The following RHOH variants were observed in gnomAD, a reference collection of about 807,000 sequenced individuals.
The protein encoded by RHOH is ras homolog family member H.
In RHOH, 6 loss-of-function variants were observed where a neutral mutation model predicts 13.8. The observed-to-expected ratio is 0.44, with a 90% CI of 0.24 to 0.86. RHOH has a LOEUF of 0.86. Ranked by LOEUF, RHOH falls within the 40% of genes least tolerant of loss-of-function variation. The pLI, the probability that RHOH is intolerant of heterozygous loss-of-function variation, is 0.24. For synonymous variants in RHOH, 117 were observed against 103.0 expected (o/e 1.14, Z -0.82); for missense variants, 147 against 244.5 (o/e 0.60, Z 2.66).
At position 40,199,534 on chromosome 4, in the gene RHOH, G is replaced by A. The variant is rs537875552; in HGVS notation, c.-331+2234G>A. Among the ~76,000 whole-genome samples the A allele has an allele frequency of 3.9e-5, 6 of 152,300 alleles. No individual in the cohort carries two copies. The South Asian group carries it at 1.0e-3, about 26-fold the overall frequency. ...AAGCCATTTGGTAACAGTTTCTCTA[G>A]CTTATGAGATGAGAGAGGTCCTCTC... On this transcript the variant is annotated intron_variant, in intron 1 of 2. Coordinates refer to ENST00000381799, the MANE Select transcript of RHOH (RefSeq NM_004310.5).
intron 1 of RHOH, chr4:40,200,213 T>TTTAGC (rs1187701812): frequency 3.9e-5 from 6 of 152,254 alleles, no homozygotes; most frequent in African/African-American, 1.2e-4. Flanking sequence ...CTGTGAGCTC[T>TTTAGC]TTAGCCATTT....
At chr4:40,238,190 G>A (rs563350442) in intron 1 of RHOH, among the ~76,000 whole-genome samples, 10 of 149,936 alleles carry the variant, frequency 6.7e-5, no homozygotes, top group South Asian at 2.1e-4. Context: ...CTGATCTGGC[G>A]GGGGCATCTG....
At chr4:40,210,140 G>C (rs1294124872) in intron 1 of RHOH, among the ~76,000 whole-genome samples, 3 of 149,190 alleles carry the variant, frequency 2.0e-5, no homozygotes, top group Non-Finnish European at 4.4e-5. Context: ...GTTTCTTTCC[G>C]GCTTGGTTTA....
intron 1 of RHOH, among the ~76,000 whole-genome samples, chr4:40,231,519 C>T (rs1727946242): frequency 6.6e-6 from 1 of 152,128 alleles, no homozygotes; most frequent in Non-Finnish European, 1.5e-5. Context: ...CAGCAGGCCC[C>T]CCAGTGGGAA....
At chr4:40,227,928 A>G (rs1727447823) in intron 1 of RHOH, among the ~76,000 whole-genome samples, 1 of 152,172 alleles carries the variant, frequency 6.6e-6, no homozygotes, top group Non-Finnish European at 1.5e-5. Context: ...ATAGGCCCAT[A>G]CATGGAATAT....
At position 40,246,029 on chromosome 4, in the gene RHOH, T is replaced by A. The variant is rs1365228403; in HGVS notation, c.*2067T>A. The A allele has an allele frequency of 2.0e-5, 3 of 152,136 alleles. No individual in the cohort carries two copies. Among genetic ancestry groups the A allele is most frequent in the African/African-American group, 7.2e-5 (3 of 41,402 alleles). The allele number at this position is 152,136 out of a possible 1,614,324, so 9.4% of individuals were successfully genotyped here. ...GCCTCCCTTGATTGGAGAGCCCGTG[T>A]CTCTAGTTCTCAGCTCAGGGTTGGG... On this transcript the variant is annotated 3_prime_UTR_variant, in exon 3 of 3. Coordinates refer to ENST00000381799, the MANE Select transcript of RHOH (RefSeq NM_004310.5).
intron 1 of RHOH, among the ~76,000 whole-genome samples, chr4:40,222,565 T>C (rs1284185774): frequency 6.6e-6 from 1 of 152,260 alleles, no homozygotes; most frequent in Non-Finnish European, 1.5e-5. Context: ...TTAAGCCCAC[T>C]GTTGAGACCT....
chr4:40,218,155 T>C lies in RHOH; in HGVS notation c.-331+20855T>C, dbSNP rs1435085632. 5 of 152,216 alleles carry C rather than the reference T, an allele frequency of 3.3e-5. No individual in the cohort carries two copies. Among genetic ancestry groups the C allele is most frequent in the African/African-American group, 9.6e-5 (4 of 41,452 alleles). The allele number at this position is 152,216 out of a possible 1,614,324, so 9.4% of individuals were successfully genotyped here. On this transcript the variant is annotated intron_variant, in intron 1 of 2. Coordinates refer to ENST00000381799, the MANE Select transcript of RHOH (RefSeq NM_004310.5). This position sits in a 1 kb window ranked among gnomAD's most constrained non-coding sequence, Gnocchi z 4.1. ...CTTTTTGTCCGGCAAAGCACGAGGA[T>C]GCTTTGGAGAACGGAAGGATTTCAT...
chr4:40,195,416 T>TCCCTC (rs145469413), upstream of RHOH, among the ~76,000 whole-genome samples: 537 of 139,404 alleles, frequency 3.9e-3, 2 homozygotes, highest in African/African-American at 5.5e-3. Flanking sequence ...CTTCCTTCCT[T>TCCCTC]CCCTCCCCTT....
chr4:40,230,200 G>A (rs906469947), intron 1 of RHOH, among the ~76,000 whole-genome samples: 4 of 151,952 alleles, frequency 2.6e-5, no homozygotes, highest in Non-Finnish European at 5.9e-5. Context: ...CACCATGACG[G>A]GCTAATTTTT....
At chr4:40,220,896 T>C (rs999812362) in intron 1 of RHOH, among the ~76,000 whole-genome samples, 7 of 152,248 alleles carry the variant, frequency 4.6e-5, no homozygotes, top group Non-Finnish European at 1.0e-4. Flanking sequence ...TTGATCTTTC[T>C]GATCCTTAAT....
chr4:40,236,518 C>A (rs6834534), intron 1 of RHOH, among the ~76,000 whole-genome samples: 5,911 of 152,168 alleles, frequency 0.039, 180 homozygotes, highest in Non-Finnish European at 0.06. Flanking sequence ...CGGCTGGCTG[C>A]GGTGGCTCAT....
At position 40,243,623 on chromosome 4, in the gene RHOH, G is replaced by A; in HGVS notation, c.237G>A (p.Val79=). 1 of 1,614,184 alleles carries A rather than the reference G, an allele frequency of 6.2e-7. No individual in the cohort carries two copies. Among genetic ancestry groups the A allele is most frequent in the Non-Finnish European group, 8.5e-7 (1 of 1,180,030 alleles). Residue 79 remains valine, a synonymous_variant, in exon 3 of 3, where the codon GTG becomes GTA. Transcript: ENST00000381799. The surrounding 1 kb of genome is among the most constrained non-coding windows in gnomAD (Gnocchi z 6.2). ...RPLSYQQADV[V]LMCYSVANHN... is the part of the protein sequence containing the mutation. ...TGTCCTACCAGCAGGCAGACGTGGTGCTGATGTGCTACTCTGTGGCCAACC... is the reference window on the plus strand; with the variant it reads ...TGTCCTACCAGCAGGCAGACGTGGTACTGATGTGCTACTCTGTGGCCAACC...
At chr4:40,225,658 T>G (rs1727137780) in intron 1 of RHOH, among the ~76,000 whole-genome samples, 1 of 152,144 alleles carries the variant, frequency 6.6e-6, no homozygotes, top group African/African-American at 2.4e-5. Context: ...GGAAGAATCT[T>G]TAAAATGCTG....
At chr4:40,223,700 G>A (rs924681885) in intron 1 of RHOH, among the ~76,000 whole-genome samples, 3 of 149,892 alleles carry the variant, frequency 2.0e-5, no homozygotes, top group Non-Finnish European at 4.4e-5. Flanking sequence ...GCATTTTTAA[G>A]CAATAAAATA....
At chr4:40,210,085 T>TGTGC (rs1553933899) in intron 1 of RHOH, among the ~76,000 whole-genome samples, 385 of 117,718 alleles carry the variant, frequency 3.3e-3, no homozygotes, top group Non-Finnish European at 4.8e-3. Context: ...GATTACATTG[T>TGTGC]GTGCGTGTGT....
At chr4:40,227,587 G>T (rs1264285550) in intron 1 of RHOH, among the ~76,000 whole-genome samples, 2 of 152,112 alleles carry the variant, frequency 1.3e-5, no homozygotes, top group African/African-American at 4.8e-5. Flanking sequence ...TTTACATTCT[G>T]TTTAGGGTTT....
intron 1 of RHOH, among the ~76,000 whole-genome samples, chr4:40,204,804 G>T (rs183409571): frequency 6.6e-6 from 1 of 152,296 alleles, no homozygotes; most frequent in East Asian, 1.9e-4. Flanking sequence ...TAGCATGTGG[G>T]GCTAGAGTTG....
chr4:40,198,108 C>A (rs1723457503), intron 1 of RHOH, among the ~76,000 whole-genome samples: 1 of 152,180 alleles, frequency 6.6e-6, no homozygotes, highest in African/African-American at 2.4e-5. Flanking sequence ...ATTTAGGAAG[C>A]AATGCAAGAT....
Sources: allele counts gnomAD v4.1 joint callset (sites outside exome capture counted in the v4.1 genomes callset), GRCh38; gene constraint gnomAD v4.1.1; non-coding constraint Gnocchi (gnomAD v3.1); transcripts MANE v1.5; gene names NCBI Gene and HGNC (gene_info 2026-07-23, HGNC 2026-07-21).